ZNRF2: variants seen among roughly 807,000 people sequenced by gnomAD.
ZNRF2 encodes the protein E3 ubiquitin-protein ligase ZNRF2.
In ZNRF2, 16 loss-of-function variants were observed where a neutral mutation model predicts 20.4. The ratio of observed to expected loss-of-function variants is 0.79; its 90% CI spans 0.53 to 1.19. The LOEUF (loss-of-function observed/expected upper bound fraction) is 1.19, where lower values mean the gene tolerates loss of function less well. Among genes scored for constraint, ZNRF2 ranks in the 50% most tolerant of loss-of-function variants. ZNRF2 has a pLI of 0.00. For missense variants in ZNRF2, 363 were observed against 332.4 expected (o/e 1.09, Z -0.72); for synonymous variants, 178 against 144.9 (o/e 1.23, Z -1.64).
intron 1 of ZNRF2, among the ~76,000 whole-genome samples, chr7:30,302,262 C>G (rs1253741125): frequency 2.0e-5 from 3 of 152,122 alleles, no homozygotes; most frequent in Non-Finnish European, 4.4e-5. Context: ...CTTAAATGTT[C>G]TTTTGTATTT....
chr7:30,297,452 T>A (rs1216771177), intron 1 of ZNRF2, among the ~76,000 whole-genome samples: 1 of 152,200 alleles, frequency 6.6e-6, no homozygotes, highest in Non-Finnish European at 1.5e-5. Context: ...AGGTAAAATT[T>A]TTTTGAGGCT....
chr7:30,305,301 A>G (rs535549110), intron 1 of ZNRF2, among the ~76,000 whole-genome samples: 12 of 152,312 alleles, frequency 7.9e-5, no homozygotes, highest in African/African-American at 2.9e-4. Flanking sequence ...ATCATTGTAA[A>G]TGTACTTATT....
At chr7:30,355,653 G>A in intron 2 of ZNRF2, 75 bp from the exon 3 acceptor site, 1 of 1,218,732 alleles carries the variant, frequency 8.2e-7, no homozygotes. Flanking sequence ...CTTTTTATCA[G>A]TTAGCATTCA....
In ZNRF2 at chr7:30,316,830, C is replaced by T. The variant is rs529196011; in HGVS notation, c.470-6812C>T. ...ATAGAAGTTAGTTAGCTTGCATTTT[C>T]TGGGAAATTTTTCATAACAGATAAT... On this transcript the variant is annotated intron_variant, in intron 1 of 4. Transcript: ENST00000323037. Among the ~76,000 whole-genome samples the T allele has an allele frequency of 2.0e-5, 3 of 152,274 alleles. No homozygotes were observed. In the South Asian group the frequency reaches 6.2e-4, roughly 32 times the overall value.
chr7:30,338,040 C>G (rs1799742433), intron 2 of ZNRF2, among the ~76,000 whole-genome samples: 1 of 152,090 alleles, frequency 6.6e-6, no homozygotes, highest in African/African-American at 2.4e-5. Context: ...AGCGGTTATT[C>G]CAGACGACCT....
intron 2 of ZNRF2, among the ~76,000 whole-genome samples, chr7:30,330,605 T>C (rs1267981753): frequency 1.3e-5 from 2 of 152,180 alleles, no homozygotes; most frequent in Non-Finnish European, 2.9e-5. Flanking sequence ...ACTGTAGATA[T>C]AATCTGGTCT....
chr7:30,349,212 C>T (rs1392802551), intron 2 of ZNRF2, among the ~76,000 whole-genome samples: 1 of 152,106 alleles, frequency 6.6e-6, no homozygotes, highest in Non-Finnish European at 1.5e-5. Context: ...TAGGTATTAT[C>T]ACTTGCAATT....
chr7:30,344,109 A>C (rs1799840200), intron 2 of ZNRF2, among the ~76,000 whole-genome samples: 1 of 150,828 alleles, frequency 6.6e-6, no homozygotes, highest in Admixed American at 6.6e-5. Flanking sequence ...TTTAGTAGAG[A>C]CGGGGTTTCA....
At chr7:30,338,171 GTCTGTGGATTGTAA>G (rs879646282) in intron 2 of ZNRF2, among the ~76,000 whole-genome samples, 23 of 152,190 alleles carry the variant, frequency 1.5e-4, no homozygotes, top group Middle Eastern at 3.4e-3. Flanking sequence ...GTATGAGTAT[GTCTGTGGATTGTAA>G]TCCTTGAAGC....
At position 30,340,661 on chromosome 7, in the gene ZNRF2, C is replaced by T. The variant is rs186123131; in HGVS notation, c.566-15067C>T. On this transcript the variant is annotated intron_variant, in intron 2 of 4. Transcript: ENST00000323037. ...TTTCCAGTATTTTATTGAGGATTTT[C>T]GCATCGATGTTCATCAGGGATATTG... Among the ~76,000 whole-genome samples, 496 of 151,984 alleles carry T rather than the reference C, an allele frequency of 3.3e-3. 13 individuals carry two copies. The East Asian group carries it at 0.066, about 20-fold the overall frequency.
chr7:30,289,359 G>A (rs558023766), intron 1 of ZNRF2, among the ~76,000 whole-genome samples: 21 of 152,280 alleles, frequency 1.4e-4, no homozygotes, highest in African/African-American at 4.6e-4. Flanking sequence ...ATGGTGTTAG[G>A]TTATCTTCAT....
chr7:30,300,755 C>T (rs904841917), intron 1 of ZNRF2, among the ~76,000 whole-genome samples: 31 of 152,232 alleles, frequency 2.0e-4, no homozygotes, highest in African/African-American at 7.5e-4. Context: ...CCAAGGAATA[C>T]AGAGAAATGG....
At chr7:30,286,465 G>A (rs970730203) in intron 1 of ZNRF2, among the ~76,000 whole-genome samples, 2 of 152,192 alleles carry the variant, frequency 1.3e-5, no homozygotes, top group Non-Finnish European at 2.9e-5. Context: ...TTAAAAAATG[G>A]AAAAGTTTCT....
intron 3 of ZNRF2, among the ~76,000 whole-genome samples, chr7:30,359,231 T>C (rs533240121): frequency 6.6e-6 from 1 of 152,320 alleles, no homozygotes; most frequent in African/African-American, 2.4e-5. Flanking sequence ...AGAATTATTT[T>C]TTGTCTGGGA....
intron 1 of ZNRF2, 104 bp from the exon 2 acceptor site, chr7:30,323,538 T>G: frequency 1.5e-6 from 1 of 687,166 alleles, no homozygotes; most frequent in South Asian, 2.2e-5. Context: ...ATGCAGTAAG[T>G]GTAATATTGA....
chr7:30,310,380 T>TA (rs1243614618), intron 1 of ZNRF2, among the ~76,000 whole-genome samples: 7 of 152,222 alleles, frequency 4.6e-5, no homozygotes, highest in Non-Finnish European at 8.8e-5. Context: ...GAACAGTTCT[T>TA]AAAGACTTAA....
At chr7:30,339,081 T>C (rs1230408217) in intron 2 of ZNRF2, among the ~76,000 whole-genome samples, 1 of 152,228 alleles carries the variant, frequency 6.6e-6, no homozygotes, top group Non-Finnish European at 1.5e-5. Context: ...TTTTGAGAAG[T>C]GTCTGTTCAT....
chr7:30,306,427 G>T (rs1170822407), intron 1 of ZNRF2, among the ~76,000 whole-genome samples: 3 of 152,112 alleles, frequency 2.0e-5, no homozygotes, highest in African/African-American at 7.2e-5. Flanking sequence ...AATAATAAAA[G>T]CTGTTGAAAC....
At chr7:30,354,729 A>G (rs1026668604) in intron 2 of ZNRF2, among the ~76,000 whole-genome samples, 6 of 152,274 alleles carry the variant, frequency 3.9e-5, no homozygotes, top group Non-Finnish European at 8.8e-5. Flanking sequence ...TAATTTGTTT[A>G]TTTATAATAT....
Sources: gnomAD v4.1 joint callset for allele counts (sites outside exome capture counted in the v4.1 genomes callset) on GRCh38, gnomAD v4.1.1 for gene constraint, MANE v1.5 for transcripts, NCBI Gene and HGNC (gene_info 2026-07-23, HGNC 2026-07-21) for gene names.